Variants in ARFIP1 observed in about 807,000 individuals in gnomAD.
ARFIP1 encodes arfaptin-1.
A neutral mutation model predicts 42.5 loss-of-function variants in ARFIP1; 24 were observed. That is an observed-to-expected ratio of 0.57 (90% CI 0.41 to 0.80). ARFIP1 has a LOEUF of 0.80. ARFIP1 is among the 30% of genes least tolerant of loss of function. ARFIP1 has a pLI of 0.00. For missense variants in ARFIP1, 354 were observed against 434.0 expected, an observed-to-expected ratio of 0.82 and a Z score of 1.64; for synonymous variants, 141 against 153.7, an observed-to-expected ratio of 0.92 and a Z score of 0.61.
At chr4:152,800,031 C>T (rs1384341873) in intron 1 of ARFIP1, among the ~76,000 whole-genome samples, 1 of 152,032 alleles carries the variant, frequency 6.6e-6, no homozygotes, top group Non-Finnish European at 1.5e-5. Flanking sequence ...GTGTTTTTAG[C>T]TATACCCAAA....
At chr4:152,888,417 G>A in intron 8 of ARFIP1, 110 bp downstream of exon 8, 2 of 731,500 alleles carry the variant, frequency 2.7e-6, no homozygotes, top group Non-Finnish European at 4.2e-6. Flanking sequence ...TTGCAAGAAG[G>A]AATTCCATTT....
At chr4:152,881,240 C>A in intron 6 of ARFIP1, 56 bp downstream of exon 6, 1 of 1,318,318 alleles carries the variant, frequency 7.6e-7, no homozygotes, top group Non-Finnish European at 1.1e-6. Context: ...TAGAAGTATT[C>A]TAAGAGGTAA....
chr4:152,799,986 G>C (rs746950915), intron 1 of ARFIP1, among the ~76,000 whole-genome samples: 5 of 152,096 alleles, frequency 3.3e-5, no homozygotes, highest in Non-Finnish European at 5.9e-5. Context: ...TACTTGTCTG[G>C]AAATTAACAT....
intron 3 of ARFIP1, among the ~76,000 whole-genome samples, chr4:152,869,970 T>G (rs1734740941): frequency 6.6e-6 from 1 of 152,224 alleles, no homozygotes; most frequent in African/African-American, 2.4e-5. Context: ...TCACTGATAA[T>G]CAGTAGATCT....
chr4:152,801,819 A>G (rs561216139), intron 1 of ARFIP1, among the ~76,000 whole-genome samples: 1 of 152,188 alleles, frequency 6.6e-6, no homozygotes, highest in African/African-American at 2.4e-5. Flanking sequence ...TCAGTGTGCT[A>G]TAATTTTACA....
chr4:152,790,612 A>G (rs1004277614), intron 1 of ARFIP1, among the ~76,000 whole-genome samples: 3 of 152,172 alleles, frequency 2.0e-5, no homozygotes, highest in Non-Finnish European at 4.4e-5. Context: ...AGAGATAGGC[A>G]TAGTTGAAAA....
intron 1 of ARFIP1, among the ~76,000 whole-genome samples, chr4:152,800,388 A>G (rs1728305851): frequency 6.6e-6 from 1 of 152,176 alleles, no homozygotes; most frequent in African/African-American, 2.4e-5. Flanking sequence ...CCCATTTTAT[A>G]GATTAGGCAA....
intron 3 of ARFIP1, among the ~76,000 whole-genome samples, chr4:152,870,059 CTCAAATT>C (rs1444405839): frequency 6.6e-6 from 1 of 152,148 alleles, no homozygotes; most frequent in Non-Finnish European, 1.5e-5. Flanking sequence ...ATCAGCACTT[CTCAAATT>C]TCAAAGTACA....
chr4:152,871,184 T>A (rs1280300676), intron 4 of ARFIP1, among the ~76,000 whole-genome samples: 3 of 152,236 alleles, frequency 2.0e-5, no homozygotes, highest in Admixed American at 2.0e-4. Flanking sequence ...AGCTCTGCCT[T>A]CTATTTTCAG....
intron 1 of ARFIP1, among the ~76,000 whole-genome samples, chr4:152,811,813 A>C (rs1254394696): frequency 6.6e-6 from 1 of 152,186 alleles, no homozygotes; most frequent in Non-Finnish European, 1.5e-5. Context: ...TTTTTTGTCC[A>C]GGGAGATAAC....
intron 1 of ARFIP1, among the ~76,000 whole-genome samples, chr4:152,785,431 C>G (rs1730742004): frequency 6.6e-6 from 1 of 152,174 alleles, no homozygotes; most frequent in African/African-American, 2.4e-5. Context: ...GTGGAAAGAG[C>G]CCCTGGGTTT....
chr4:152,870,360 G>A (rs1734775439), intron 3 of ARFIP1, among the ~76,000 whole-genome samples: 1 of 152,192 alleles, frequency 6.6e-6, no homozygotes, highest in Admixed American at 6.5e-5. Context: ...TACTTGAAGA[G>A]CTTTTCCTTT....
chr4:152,852,619 G>A (rs547118567), intron 2 of ARFIP1, among the ~76,000 whole-genome samples: 2 of 150,256 alleles, frequency 1.3e-5, no homozygotes, highest in Non-Finnish European at 3.0e-5. Context: ...GTGACAGAGC[G>A]AGACTCCGTC....
intron 2 of ARFIP1, among the ~76,000 whole-genome samples, chr4:152,859,353 C>T (rs1733696891): frequency 6.6e-6 from 1 of 152,176 alleles, no homozygotes; most frequent in Non-Finnish European, 1.5e-5. Flanking sequence ...TGAGCCATCA[C>T]ATCATGCCTG....
intron 1 of ARFIP1, among the ~76,000 whole-genome samples, chr4:152,795,217 A>G (rs1270894112): frequency 1.3e-5 from 2 of 151,596 alleles, no homozygotes; most frequent in Non-Finnish European, 2.9e-5. Context: ...AGAAATGTGT[A>G]TTTTCTTATA....
intron 8 of ARFIP1, among the ~76,000 whole-genome samples, chr4:152,894,491 T>C (rs1737146262): frequency 6.6e-6 from 1 of 152,196 alleles, no homozygotes; most frequent in Non-Finnish European, 1.5e-5. Context: ...TTGAGTACTT[T>C]AAAAATATTC....
chr4:152,795,963 G>T (rs1731444180), intron 1 of ARFIP1: 2 of 329,608 alleles, frequency 6.1e-6, no homozygotes, highest in African/African-American at 2.2e-5. Context: ...CTTGATGATT[G>T]CAGACAGGTA....
intron 1 of ARFIP1, chr4:152,796,031 G>A (rs1367334543): frequency 3.0e-6 from 2 of 675,220 alleles, no homozygotes; most frequent in African/African-American, 3.5e-5. Context: ...CAGTTGGTGT[G>A]TAGTGCTCAA....
Position 152,910,193 on chromosome 4 carries a change from G to T in ARFIP1, c.1096G>T (p.Ala366Ser), listed in dbSNP as rs1738729991. ...HIKLKTPGVD[A>S]PSWLEEQ ...CAAATTGAAAACCCCTGGAGTGGAT[G>T]CCCCATCTTGGCTTGAAGAACAGTA... The change falls in exon 9 of 9, where the codon GCC becomes TCC. Residue 366 changes from alanine (A) to serine (S), a missense_variant. Transcript: ENST00000353617. 1 of 1,613,596 alleles carries T rather than the reference G, an allele frequency of 6.2e-7. No individual in the cohort carries two copies. The highest frequency in any genetic ancestry group is 8.5e-7 in the Non-Finnish European group (1 of 1,179,834).
Sources: allele counts gnomAD v4.1 joint callset (sites outside exome capture counted in the v4.1 genomes callset), GRCh38; gene constraint gnomAD v4.1.1; transcripts MANE v1.5; gene names NCBI Gene and HGNC (gene_info 2026-07-23, HGNC 2026-07-21).